Variants in PCDH17 observed in about 807,000 individuals in gnomAD.
PCDH17 encodes the protein protocadherin-17.
PCDH17 carries 21 observed loss-of-function variants against 67.7 expected under a neutral mutation model. The observed-to-expected ratio is 0.31, with a 90% CI of 0.22 to 0.45. The LOEUF (loss-of-function observed/expected upper bound fraction) is 0.45, where lower values mean the gene tolerates loss of function less well. PCDH17 is among the 20% of genes least tolerant of loss of function. The pLI is 1.00. For synonymous variants in PCDH17, 701 were observed against 656.7 expected (o/e 1.07, Z -1.03); for missense variants, 1,471 against 1,564.8 (o/e 0.94, Z 1.01).
chr13:57,633,134 C>G lies in PCDH17; in HGVS notation c.588C>G (p.Val196=), dbSNP rs1255297908. ...RGDGTKFPEL[V]IQKALDREQQ... The stretch of plus-strand genomic sequence containing the variant: ...ACGGCACCAAGTTCCCAGAACTGGT[C>G]ATCCAGAAGGCTCTGGACCGCGAGC... Residue 196 remains valine (V), a synonymous_variant, in exon 1 of 4, where the codon GTC becomes GTG. Coordinates refer to ENST00000377918, the MANE Select transcript of PCDH17 (RefSeq NM_001040429.3). This position sits in a 1 kb window ranked among gnomAD's most constrained non-coding sequence, Gnocchi z 6.2. The G allele has an allele frequency of 1.2e-6, 2 of 1,613,364 alleles. No homozygotes were observed. Among genetic ancestry groups the G allele is most frequent in the African/African-American group, 2.7e-5 (2 of 74,912 alleles).
chr13:57,666,259 T>C (rs1231414429), intron 1 of PCDH17, among the ~76,000 whole-genome samples: 2 of 152,178 alleles, frequency 1.3e-5, no homozygotes, highest in African/African-American at 2.4e-5. Flanking sequence ...CATTGTTTAC[T>C]TTAACAGGTA....
At position 57,634,548 on chromosome 13, in the gene PCDH17, C is replaced by T. The variant is rs751066622; in HGVS notation, c.2002C>T (p.His668Tyr). 6.2e-7 allele frequency: 1 copy of T among 1,612,990 alleles called. No homozygotes were observed. Among genetic ancestry groups the T allele is most frequent in the Non-Finnish European group, 8.5e-7 (1 of 1,179,994 alleles). ...GGAGCTGGTGGTGAAGGTGACCGAC[C>T]ACGGCAAGCCTACCCTGTCCGCAGT... ...VVELVVKVTD[H>Y]GKPTLSAVAK... Residue 668 changes from histidine to tyrosine, a missense_variant, in exon 1 of 4, where the codon CAC (histidine) becomes TAC (tyrosine). His to Tyr is a moderately conservative substitution (Grantham distance 83, BLOSUM62 2). Around this residue, in one of 3 missense-constraint regions of PCDH17, gnomAD observed 1,163 missense variants for 1,230.0 expected, o/e 0.95. Coordinates refer to ENST00000377918, the MANE Select transcript of PCDH17 (RefSeq NM_001040429.3). This position sits in a 1 kb window ranked among gnomAD's most constrained non-coding sequence, Gnocchi z 7.8.
In PCDH17 at chr13:57,634,596, G is replaced by C. The variant is rs1296714037; in HGVS notation, c.2050G>C (p.Val684Leu). The C allele has an allele frequency of 2.5e-6, 4 of 1,613,370 alleles. No individual in the cohort carries two copies. The South Asian group carries it at 4.4e-5, about 18-fold the overall frequency. Residue 684 changes from valine (V) to leucine (L), a missense_variant, in exon 1 of 4, where the codon GTG becomes CTG. By Grantham distance (32) the Val-to-Leu change is conservative. Transcript: ENST00000377918. This position sits in a 1 kb window ranked among gnomAD's most constrained non-coding sequence, Gnocchi z 7.8. ...AGTGGCCAAGCTCATCATCCGCTCGGTGAGCGGATCCCTTCCCGAGGGGGT... is the reference window on the plus strand; with the variant it reads ...AGTGGCCAAGCTCATCATCCGCTCGCTGAGCGGATCCCTTCCCGAGGGGGT... Reference protein sequence around the residue: ...SAVAKLIIRSVSGSLPEGVPR... With the variant: ...SAVAKLIIRSLSGSLPEGVPR...
intron 3 of PCDH17, among the ~76,000 whole-genome samples, chr13:57,704,772 A>C (rs1375990542): frequency 2.6e-5 from 4 of 152,074 alleles, no homozygotes; most frequent in Admixed American, 2.6e-4. Flanking sequence ...ATTTTATTGC[A>C]TTTGTGTGTA....
In PCDH17 at chr13:57,632,063, C is replaced by G; in HGVS notation, c.-484C>G. The G allele has an allele frequency of 5.1e-6, 1 of 196,216 alleles. No homozygotes were observed. Among genetic ancestry groups the G allele is most frequent in the South Asian group, 9.8e-5 (1 of 10,178 alleles). 12.2% of individuals were successfully genotyped at this position (196,216 alleles called of 1,614,324 possible). ...GCCTAGAGACACACCTCCCTGCTCC[C>G]TCCCCCACTCGATGTGAAGAGTATT... On this transcript the variant is annotated 5_prime_UTR_variant, in exon 1 of 4. Coordinates refer to ENST00000377918, the MANE Select transcript of PCDH17 (RefSeq NM_001040429.3).
chr13:57,638,084 C>T (rs764058157), intron 1 of PCDH17, among the ~76,000 whole-genome samples: 3 of 151,924 alleles, frequency 2.0e-5, no homozygotes, highest in Non-Finnish European at 4.4e-5. Context: ...CATAATAAAA[C>T]ACAGTTATAA....
At chr13:57,708,489 A>G (rs768692640) in intron 3 of PCDH17, among the ~76,000 whole-genome samples, 3 of 152,044 alleles carry the variant, frequency 2.0e-5, no homozygotes, top group Non-Finnish European at 4.4e-5. Context: ...ACTCTGTTAA[A>G]TATTACAATA....
intron 3 of PCDH17, among the ~76,000 whole-genome samples, chr13:57,710,458 T>C (rs1308006500): frequency 4.6e-5 from 7 of 151,878 alleles, no homozygotes; most frequent in Admixed American, 3.9e-4. Context: ...AATTATGCAA[T>C]ACATTTCAAT....
At chr13:57,716,828 C>T (rs537835763) in intron 3 of PCDH17, among the ~76,000 whole-genome samples, 1 of 151,950 alleles carries the variant, frequency 6.6e-6, no homozygotes, top group South Asian at 2.1e-4. Context: ...CAGCATTCTA[C>T]CCAAGATACC....
At chr13:57,653,626 G>A (rs1955068181) in intron 1 of PCDH17, among the ~76,000 whole-genome samples, 1 of 152,072 alleles carries the variant, frequency 6.6e-6, no homozygotes, top group Non-Finnish European at 1.5e-5. Context: ...GAGATTTGAA[G>A]GTGTAATATA....
At chr13:57,691,342 G>A (rs758286935) in intron 3 of PCDH17, among the ~76,000 whole-genome samples, 2 of 151,140 alleles carry the variant, frequency 1.3e-5, no homozygotes, top group Non-Finnish European at 3.0e-5. Flanking sequence ...ATTTTTGAGG[G>A]TGAAAGGGAC....
At position 57,724,489 on chromosome 13, in the gene PCDH17, C is replaced by G. The variant is rs533006150; in HGVS notation, c.2798-123C>G. 4.3e-6 allele frequency: 3 copies of G among 703,798 alleles called. No homozygotes were observed. The East Asian group carries it at 8.2e-5, about 19-fold the overall frequency. 43.6% of individuals were successfully genotyped at this position (703,798 alleles called of 1,614,324 possible). On this transcript the variant is annotated intron_variant, in intron 3 of 3. Coordinates refer to ENST00000377918, the MANE Select transcript of PCDH17 (RefSeq NM_001040429.3). Reference sequence around the variant, plus strand: ...CCTGAAATGTTTTAATTATTGTTTTCTTTTCCTTTTTAATTAAGAGACCAG... The same window carrying G: ...CCTGAAATGTTTTAATTATTGTTTTGTTTTCCTTTTTAATTAAGAGACCAG...
chr13:57,666,794 A>G lies in PCDH17; in HGVS notation c.2758A>G (p.Met920Val). 1 of 1,611,980 alleles carries G rather than the reference A, an allele frequency of 6.2e-7. No individual in the cohort carries two copies. The highest frequency in any genetic ancestry group is 8.5e-7 in the Non-Finnish European group (1 of 1,179,158). ...CATGTCTGTTAGGGAGGCACTCAAG[A>G]TGAAAACTACTTCAACTAAAAGCCA... ...CDMSVREALK[M>V]KTTSTKSQPL... The change falls in exon 3 of 4, where the codon ATG becomes GTG. Residue 920 changes from methionine (M) to valine (V), a missense_variant. Transcript: ENST00000377918.
At chr13:57,659,679 T>C (rs547775328) in intron 1 of PCDH17, among the ~76,000 whole-genome samples, 4 of 152,292 alleles carry the variant, frequency 2.6e-5, no homozygotes, top group Admixed American at 2.6e-4. Flanking sequence ...GTATTACATG[T>C]TTTTTAAGTT....
In PCDH17 at chr13:57,727,238, G is replaced by A. The variant is rs958140798; in HGVS notation, c.*1944G>A. ...GTGCCCATACCTTAGAAAATGTGGT[G>A]CTGAGTTAAATAAAGGCTGTTTGAG... On this transcript the variant is annotated 3_prime_UTR_variant, in exon 4 of 4. Transcript: ENST00000377918. The A allele has an allele frequency of 1.3e-5, 2 of 152,510 alleles. No homozygotes were observed. Among genetic ancestry groups the A allele is most frequent in the Non-Finnish European group, 2.9e-5 (2 of 68,000 alleles). The allele number at this position is 152,510 out of a possible 1,614,324, so 9.4% of individuals were successfully genotyped here. A position where few individuals can be genotyped will look rare whatever the true frequency, so the allele number is the denominator to read the frequency against.
chr13:57,651,661 T>TA (rs1955041297), intron 1 of PCDH17, among the ~76,000 whole-genome samples: 1 of 152,078 alleles, frequency 6.6e-6, no homozygotes, highest in African/African-American at 2.4e-5. Context: ...ATTCCTGACT[T>TA]AAAAATATAT....
At chr13:57,643,641 G>A (rs1954930209) in intron 1 of PCDH17, among the ~76,000 whole-genome samples, 1 of 151,560 alleles carries the variant, frequency 6.6e-6, no homozygotes, top group Non-Finnish European at 1.5e-5. Flanking sequence ...ATGTGAATAA[G>A]AGCAGTTATA....
intron 1 of PCDH17, among the ~76,000 whole-genome samples, chr13:57,638,974 G>A (rs963069789): frequency 3.9e-5 from 6 of 151,974 alleles, no homozygotes; most frequent in African/African-American, 1.2e-4. Flanking sequence ...TACAAAGTGC[G>A]TGAACAATTT....
intron 3 of PCDH17, among the ~76,000 whole-genome samples, chr13:57,718,829 C>A (rs1406918004): frequency 6.6e-6 from 1 of 151,798 alleles, no homozygotes; most frequent in African/African-American, 2.4e-5. Context: ...TGTGCACATG[C>A]ATGTGTGTGT....
Sources: gnomAD v4.1 joint callset for allele counts (sites outside exome capture counted in the v4.1 genomes callset) on GRCh38, gnomAD v4.1.1 for gene constraint, gnomAD v4.1.1 regional missense constraint, Gnocchi (gnomAD v3.1) non-coding constraint, MANE v1.5 for transcripts, NCBI Gene and HGNC (gene_info 2026-07-23, HGNC 2026-07-21) for gene names.